Variants in PPP1R7 observed in about 807,000 individuals in gnomAD.
PPP1R7 encodes the protein protein phosphatase 1 regulatory subunit 7.
PPP1R7 carries 18 observed loss-of-function variants against 45.2 expected under a neutral mutation model. The observed-to-expected ratio is 0.40, with a 90% CI of 0.28 to 0.59. PPP1R7 has a LOEUF of 0.59. PPP1R7 is among the 20% of genes least tolerant of loss of function. PPP1R7 has a pLI of 0.46. For missense variants in PPP1R7, 314 were observed against 455.8 expected (o/e 0.69, Z 2.83); for synonymous variants, 181 against 183.4 (o/e 0.99, Z 0.11).
chr2:241,178,224 G>A (rs1424390184), intron 9 of PPP1R7, among the ~76,000 whole-genome samples: 1 of 152,224 alleles, frequency 6.6e-6, no homozygotes, highest in Non-Finnish European at 1.5e-5. Context: ...TCAGTCTAGT[G>A]ATGGCCATTT....
At chr2:241,157,073 C>T (rs760462160) in intron 2 of PPP1R7, among the ~76,000 whole-genome samples, 41 of 152,188 alleles carry the variant, frequency 2.7e-4, no homozygotes, top group Non-Finnish European at 4.7e-4. Context: ...GCTGTCGCCT[C>T]AGCAGGGAGA....
chr2:241,150,163 C>G, upstream of PPP1R7: 1 of 1,268,650 alleles, frequency 7.9e-7, no homozygotes, highest in East Asian at 3.5e-5. Flanking sequence ...CTCTCAAGCC[C>G]AGGGCGTCTC....
Position 241,164,900 on chromosome 2 carries a change from T to G in PPP1R7, c.715-1437T>G, listed in dbSNP as rs1230997041. Reference sequence around the variant, plus strand: ...TCATCTCTACTGAAAATACAAAAATTAGCCAGGCATGGTGGCGGGCGCCTG... The same window carrying G: ...TCATCTCTACTGAAAATACAAAAATGAGCCAGGCATGGTGGCGGGCGCCTG... On this transcript the variant is annotated intron_variant, in intron 7 of 9. Transcript: ENST00000234038. 5.3e-5 allele frequency among the ~76,000 whole-genome samples: 8 copies of G among 151,528 alleles called. No homozygotes were observed. The East Asian group carries it at 1.4e-3, about 26-fold the overall frequency.
chr2:241,154,566 A>G (rs1418336036), intron 2 of PPP1R7, among the ~76,000 whole-genome samples: 1 of 151,962 alleles, frequency 6.6e-6, no homozygotes, highest in Admixed American at 6.6e-5. Context: ...TTAGCCAGGC[A>G]TGGTGGTGTG....
At chr2:241,160,563 G>A (rs1452061807) in intron 6 of PPP1R7, 69 bp downstream of exon 6, 8 of 1,377,078 alleles carry the variant, frequency 5.8e-6, no homozygotes, top group Non-Finnish European at 6.9e-6. Flanking sequence ...TGGACTCAGT[G>A]GGTGTATGTA....
At chr2:241,173,127 C>T (rs1350507457) in intron 9 of PPP1R7, among the ~76,000 whole-genome samples, 3 of 151,888 alleles carry the variant, frequency 2.0e-5, no homozygotes, top group East Asian at 3.9e-4. Flanking sequence ...CAAAAATTAG[C>T]TGGGCGTGGT....
intron 9 of PPP1R7, among the ~76,000 whole-genome samples, chr2:241,178,568 T>C (rs2067946298): frequency 7.1e-6 from 1 of 140,778 alleles, no homozygotes; most frequent in African/African-American, 2.7e-5. Flanking sequence ...ACCATTCTCC[T>C]GCCTCAACCT....
chr2:241,156,200 G>A (rs1442272373), intron 2 of PPP1R7, among the ~76,000 whole-genome samples: 7 of 152,218 alleles, frequency 4.6e-5, no homozygotes. Context: ...GTTTGCTCTA[G>A]GAAGAGCCAC....
chr2:241,159,200 T>C lies in PPP1R7; in HGVS notation c.304-13T>C, dbSNP rs1435357552. On this transcript the variant is annotated splice_polypyrimidine_tract_variant and intron_variant, in intron 4 of 9. Coordinates refer to ENST00000234038, the MANE Select transcript of PPP1R7 (RefSeq NM_002712.3). ...CCTTGCCTGTGTCAATTGTCCCTTT[T>C]CCCATCCCCCAGACTCTCTGCCTCC... 6.2e-7 allele frequency: 1 copy of C among 1,612,146 alleles called. No individual in the cohort carries two copies. Among genetic ancestry groups the C allele is most frequent in the Admixed American group, 1.7e-5 (1 of 59,956 alleles).
chr2:241,158,004 T>G (rs2067498532), intron 3 of PPP1R7, 142 bp downstream of exon 3: 1 of 805,978 alleles, frequency 1.2e-6, no homozygotes, highest in Non-Finnish European at 2.0e-6. Context: ...GTTCATGTTT[T>G]TCTTACCAGT....
intron 1 of PPP1R7, among the ~76,000 whole-genome samples, chr2:241,152,918 A>G (rs533418839): frequency 4.7e-4 from 71 of 152,310 alleles, no homozygotes; most frequent in South Asian, 8.3e-4. Flanking sequence ...TTTCACACCA[A>G]TGAGCTTTCT....
intron 6 of PPP1R7, among the ~76,000 whole-genome samples, chr2:241,162,329 G>A (rs1234820999): frequency 2.6e-5 from 4 of 152,160 alleles, no homozygotes; most frequent in Non-Finnish European, 2.9e-5. Flanking sequence ...TGGTTATTTT[G>A]TGTCTGCTGA....
intron 1 of PPP1R7, among the ~76,000 whole-genome samples, chr2:241,151,127 A>G (rs1376539668): frequency 6.6e-6 from 1 of 152,204 alleles, no homozygotes; most frequent in Non-Finnish European, 1.5e-5. Flanking sequence ...AAAAAACCAC[A>G]TGCATATATG....
intron 5 of PPP1R7, 121 bp from the exon 6 acceptor site, chr2:241,160,211 C>A: frequency 4.7e-6 from 3 of 642,902 alleles, no homozygotes; most frequent in Non-Finnish European, 7.6e-6. Context: ...CCCCCACCCT[C>A]TCCCACCCGG....
intron 9 of PPP1R7, among the ~76,000 whole-genome samples, chr2:241,180,389 A>G (rs1420754286): frequency 2.2e-4 from 2 of 8,934 alleles, no homozygotes; most frequent in Admixed American, 3.0e-3. Context: ...CTGGTGAGCT[A>G]AAAAAAAAAA....
chr2:241,153,645 G>T (rs746585636), intron 2 of PPP1R7, 41 bp downstream of exon 2: 1 of 1,607,472 alleles, frequency 6.2e-7, no homozygotes, highest in Non-Finnish European at 8.5e-7. Flanking sequence ...GCTGGTTGGG[G>T]GATGTGGGCT....
At chr2:241,172,623 A>G (rs2067835599) in intron 9 of PPP1R7, among the ~76,000 whole-genome samples, 1 of 152,038 alleles carries the variant, frequency 6.6e-6, no homozygotes, top group Non-Finnish European at 1.5e-5. Context: ...CAGCCTGGGC[A>G]AAAAAGTGAA....
At chr2:241,163,542 C>T (rs1445373156) in intron 7 of PPP1R7, 141 bp downstream of exon 7, 3 of 647,352 alleles carry the variant, frequency 4.6e-6, no homozygotes, top group African/African-American at 1.8e-5. Context: ...ACATTAGATG[C>T]CATAGACTTT....
rs754036544 is a variant in PPP1R7 at position 241,182,698 on chromosome 2, G to A, written c.958G>A (p.Ala320Thr). Reference sequence around the variant, plus strand: ...GAGCGACCTCGACGAGCTGAAGGGAGCCAGGAGCCTGGAGACAGTGTACCT... The same window carrying A: ...GAGCGACCTCGACGAGCTGAAGGGAACCAGGAGCCTGGAGACAGTGTACCT... Reference protein sequence around the residue: ...SWSDLDELKGARSLETVYLER... With the variant: ...SWSDLDELKGTRSLETVYLER... Residue 320 changes from alanine (A) to threonine (T), a missense_variant, in exon 10 of 10, where the codon GCC (alanine) becomes ACC (threonine). Ala to Thr is a moderately conservative substitution (Grantham distance 58). Transcript: ENST00000234038. 2.0e-5 allele frequency: 33 copies of A among 1,614,074 alleles called. No homozygotes were observed. The South Asian group carries it at 3.5e-4, about 17-fold the overall frequency.
Sources: gnomAD v4.1 joint callset for allele counts (sites outside exome capture counted in the v4.1 genomes callset) on GRCh38, gnomAD v4.1.1 for gene constraint, MANE v1.5 for transcripts, NCBI Gene and HGNC (gene_info 2026-07-23, HGNC 2026-07-21) for gene names.